Variants in LRRN2 observed in about 807,000 individuals in gnomAD.
The protein encoded by LRRN2 is leucine rich repeat neuronal 2.
LRRN2 carries 10 observed loss-of-function variants against 35.7 expected under a neutral mutation model. That is an observed-to-expected ratio of 0.28 (90% CI 0.17 to 0.47). The LOEUF is 0.47. Among genes scored for constraint, LRRN2 ranks in the 20% least tolerant of loss-of-function variants. The pLI is 0.99. For missense variants in LRRN2, 731 were observed against 940.3 expected (o/e 0.78, Z 2.91); for synonymous variants, 391 against 409.6 (o/e 0.95, Z 0.55).
chr1:204,635,009 T>C (rs1218259984), intron 1 of LRRN2, among the ~76,000 whole-genome samples: 16 of 152,320 alleles, frequency 1.1e-4, no homozygotes, highest in South Asian at 4.1e-4. Flanking sequence ...AGATATGACC[T>C]AGGCTCACTG....
chr1:204,631,351 C>T (rs1667700236), intron 1 of LRRN2, among the ~76,000 whole-genome samples: 2 of 130,998 alleles, frequency 1.5e-5, no homozygotes, highest in East Asian at 2.4e-4. Flanking sequence ...TTCAAGACTC[C>T]CCTCACCTCC....
chr1:204,641,956 G>T (rs773238580), intron 1 of LRRN2, among the ~76,000 whole-genome samples: 4 of 152,208 alleles, frequency 2.6e-5, no homozygotes, highest in Non-Finnish European at 5.9e-5. Flanking sequence ...TGCAGCCAGG[G>T]CTGCAGGTGT....
At chr1:204,657,575 G>GGGAA (rs1388886811) in intron 1 of LRRN2, among the ~76,000 whole-genome samples, 4 of 152,266 alleles carry the variant, frequency 2.6e-5, no homozygotes, top group African/African-American at 7.2e-5. Context: ...CAGGATCTGG[G>GGGAA]GGAAGGGGAG....
chr1:204,618,239 G>T lies in LRRN2; in HGVS notation c.1754C>A (p.Thr585Asn), dbSNP rs1481142629. 6.2e-7 allele frequency: 1 copy of T among 1,613,500 alleles called. No individual in the cohort carries two copies. The highest frequency in any genetic ancestry group is 1.1e-5 in the South Asian group (1 of 90,980). ...LPRGTHSYNI[T>N]RLLQATEYWA... ...GTACTCCGTGGCCTGAAGGAGGCGG[G>T]TAATGTTGTAGCTGTGGGTTCCCCG... Residue 585 changes from threonine (T) to asparagine (N), a missense_variant, in exon 2 of 2, where the codon ACC (threonine) becomes AAC (asparagine). Coordinates refer to ENST00000367177, the MANE Select transcript of LRRN2 (RefSeq NM_201630.2).
At chr1:204,665,779 T>A (rs980898501) in intron 1 of LRRN2, among the ~76,000 whole-genome samples, 13 of 152,228 alleles carry the variant, frequency 8.5e-5, no homozygotes, top group Non-Finnish European at 1.8e-4. Flanking sequence ...AATCACTTAA[T>A]CACATTTGGC....
chr1:204,637,304 A>G (rs1340147021), intron 1 of LRRN2, among the ~76,000 whole-genome samples: 1 of 152,226 alleles, frequency 6.6e-6, no homozygotes, highest in Admixed American at 6.5e-5. Flanking sequence ...CATCAAACCA[A>G]TCAGATCTAG....
chr1:204,644,251 C>A (rs1668051679), intron 1 of LRRN2, among the ~76,000 whole-genome samples: 1 of 152,188 alleles, frequency 6.6e-6, no homozygotes, highest in Non-Finnish European at 1.5e-5. Flanking sequence ...CCTTCTCCTC[C>A]ATGAAGCTCT....
chr1:204,617,964 G>T lies in LRRN2; in HGVS notation c.2029C>A (p.Pro677Thr). 6.2e-7 allele frequency: 1 copy of T among 1,613,912 alleles called. No homozygotes were observed. The change falls in exon 2 of 2, where the codon CCT becomes ACT. Residue 677 changes from proline (P) to threonine (T), a missense_variant. Around this residue, in one of 3 missense-constraint regions of LRRN2, gnomAD observed 229 missense variants for 258.4 expected, o/e 0.89. Transcript: ENST00000367177. Reference sequence around the variant, plus strand: ...GGAGCAGACACAACCCGGACAGAAGGGGCACTCCAGCCCCAGAAAGCCCAG... The same window carrying T: ...GGAGCAGACACAACCCGGACAGAAGTGGCACTCCAGCCCCAGAAAGCCCAG... ...PAWAFWGWSAPSVRVVSAPLV... is the reference protein window; with the variant it reads ...PAWAFWGWSATSVRVVSAPLV...
intron 1 of LRRN2, among the ~76,000 whole-genome samples, chr1:204,673,296 A>G (rs12724880): frequency 0.031 from 4,730 of 152,304 alleles, 105 homozygotes; most frequent in Non-Finnish European, 0.047. Context: ...ATTCCTGTTT[A>G]TTTGGGTAGA....
At chr1:204,652,224 CCCCTCCTCTCTCCCCTTCG>C (rs1167092564) in intron 1 of LRRN2, among the ~76,000 whole-genome samples, 53 of 149,814 alleles carry the variant, frequency 3.5e-4, no homozygotes, top group African/African-American at 1.2e-3. Context: ...GGGACCCTTC[CCCCTCCTCTCTCCCCTTCG>C]CCCTCTCCTC....
intron 1 of LRRN2, among the ~76,000 whole-genome samples, chr1:204,653,871 A>AG (rs1035938446): frequency 6.6e-6 from 1 of 151,014 alleles, no homozygotes; most frequent in African/African-American, 2.4e-5. Flanking sequence ...CAAAAAAAAA[A>AG]AAAAAGAAAA....
intron 1 of LRRN2, among the ~76,000 whole-genome samples, chr1:204,643,909 T>C (rs886075557): frequency 6.6e-6 from 1 of 152,166 alleles, no homozygotes; most frequent in African/African-American, 2.4e-5. Flanking sequence ...CAGTGTGACC[T>C]TGAACAAATT....
rs567462254 is a variant in LRRN2, at chr1:204,640,884, C to T, written c.-226-20666G>A. ...AACTCAAGACCACACAGTTCCACAT[C>T]ATTACCGCCCAAGTCTCCCAGGAAA... On this transcript the variant is annotated intron_variant, in intron 1 of 1. Coordinates refer to ENST00000367177, the MANE Select transcript of LRRN2 (RefSeq NM_201630.2). 1.2e-3 allele frequency among the ~76,000 whole-genome samples: 182 copies of T among 152,062 alleles called. 1 individual carries two copies. Among genetic ancestry groups the T allele is most frequent in the Non-Finnish European group, 2.1e-3 (140 of 68,022 alleles).
At chr1:204,684,716 C>T (rs1440323301) in intron 1 of LRRN2, among the ~76,000 whole-genome samples, 1 of 152,036 alleles carries the variant, frequency 6.6e-6, no homozygotes, top group East Asian at 1.9e-4. Flanking sequence ...GCCCATCCCC[C>T]ACCCCAAAGG....
chr1:204,679,768 T>C (rs1668905126), intron 1 of LRRN2, among the ~76,000 whole-genome samples: 1 of 152,220 alleles, frequency 6.6e-6, no homozygotes, highest in Admixed American at 6.5e-5. Flanking sequence ...GCACTGACTC[T>C]TAAGGTCCAG....
At chr1:204,659,139 T>C (rs1312793815) in intron 1 of LRRN2, among the ~76,000 whole-genome samples, 1 of 152,220 alleles carries the variant, frequency 6.6e-6, no homozygotes, top group Non-Finnish European at 1.5e-5. Flanking sequence ...TTCTCAGTCA[T>C]ACTTTACTGC....
At chr1:204,638,450 C>T (rs1387221488) in intron 1 of LRRN2, among the ~76,000 whole-genome samples, 12 of 115,592 alleles carry the variant, frequency 1.0e-4, no homozygotes, top group Admixed American at 9.6e-4. Context: ...CTCGCTCTGT[C>T]GCCCAGGCTG....
rs76468836 is a variant in LRRN2 at position 204,618,461 on chromosome 1, C to T, written c.1532G>A (p.Ser511Asn). The change falls in exon 2 of 2, where the codon AGT becomes AAT. Residue 511 changes from serine (S) to asparagine (N), a missense_variant. Transcript: ENST00000367177. ...NLVGADTKTV[S>N]VVVGRALLQP... ...GAGGAGAGCACGGCCCACAACCACA[C>T]TAACCGTCTTAGTGTCAGCCCCCAC... is the stretch of plus-strand genomic sequence containing the variant. 1.3e-3 allele frequency: 2,089 copies of T among 1,614,218 alleles called. 2 individuals carry two copies. The highest frequency in any genetic ancestry group is 1.6e-3 in the Non-Finnish European group (1,830 of 1,180,020).
chr1:204,657,608 G>T (rs1364458138), intron 1 of LRRN2, among the ~76,000 whole-genome samples: 1 of 152,062 alleles, frequency 6.6e-6, no homozygotes, highest in Non-Finnish European at 1.5e-5. Context: ...CTGCTGATGG[G>T]TATGGAGTTT....
Sources: allele counts gnomAD v4.1 joint callset (sites outside exome capture counted in the v4.1 genomes callset), GRCh38; gene constraint gnomAD v4.1.1; regional missense constraint gnomAD v4.1.1; transcripts MANE v1.5; gene names NCBI Gene and HGNC (gene_info 2026-07-23, HGNC 2026-07-21).